The following EFR3A variants were observed in gnomAD, a reference collection of about 807,000 sequenced individuals.
EFR3A encodes EFR3 homolog A, also known as protein EFR3 homolog A.
Under a neutral mutation model 104.4 loss-of-function variants are expected in EFR3A, and 76 were observed. That is an observed-to-expected ratio of 0.73 (90% CI 0.60 to 0.88). The LOEUF (loss-of-function observed/expected upper bound fraction) is 0.88. Ranked by LOEUF, EFR3A falls within the 40% of genes least tolerant of loss-of-function variation. The pLI is 0.00. For synonymous variants in EFR3A, 330 were observed against 330.0 expected (o/e 1.00, Z 0.00); for missense variants, 985 against 1,012.5 (o/e 0.97, Z 0.37).
chr8:131,931,348 G>T lies in EFR3A; in HGVS notation c.11-9151G>T, dbSNP rs925640502. Among the ~76,000 whole-genome samples the T allele has an allele frequency of 2.0e-5, 3 of 152,124 alleles. No individual in the cohort carries two copies. The East Asian group carries it at 5.8e-4, about 29-fold the overall frequency. On this transcript the variant is annotated intron_variant, in intron 1 of 22. Coordinates refer to ENST00000254624, the MANE Select transcript of EFR3A (RefSeq NM_015137.6). ...TTATGAATGTTGATTTTGTTAGGGAGTTAGAAGTTGTGGTAATTGTTTCTT... is the reference window on the plus strand; with the variant it reads ...TTATGAATGTTGATTTTGTTAGGGATTTAGAAGTTGTGGTAATTGTTTCTT...
intron 1 of EFR3A, among the ~76,000 whole-genome samples, chr8:131,933,406 C>A (rs1388253608): frequency 6.6e-6 from 1 of 152,138 alleles, no homozygotes; most frequent in Non-Finnish European, 1.5e-5. Context: ...GTTTCTCTTT[C>A]ATCCGTTGGG....
At chr8:131,992,004 C>T (rs1417439895) in intron 18 of EFR3A, among the ~76,000 whole-genome samples, 3 of 152,150 alleles carry the variant, frequency 2.0e-5, no homozygotes, top group African/African-American at 4.8e-5. Flanking sequence ...CTCAGTGACC[C>T]CTTTCCTGCC....
intron 9 of EFR3A, 71 bp downstream of exon 9, chr8:131,968,501 G>GC: frequency 7.1e-7 from 1 of 1,415,898 alleles, no homozygotes; most frequent in Non-Finnish European, 9.6e-7. Context: ...ATGCATAGCA[G>GC]TGTATGAAGA....
Position 131,940,147 on chromosome 8 carries a change from G to A in EFR3A, c.11-352G>A, listed in dbSNP as rs764619812. 1.8e-4 allele frequency: 39 copies of A among 219,382 alleles called. No homozygotes were observed. In the Middle Eastern group the frequency reaches 5.5e-3, roughly 31 times the overall value. 13.6% of individuals were successfully genotyped at this position (219,382 alleles called of 1,614,324 possible). A position where few individuals can be genotyped will look rare whatever the true frequency, so the allele number is the denominator to read the frequency against. ...TAGAATTAGCAGGGAGACCACTGTG[G>A]CTTGAGTAGAGTGGATTGCAACAGG... On this transcript the variant is annotated intron_variant, in intron 1 of 22. Transcript: ENST00000254624.
intron 1 of EFR3A, among the ~76,000 whole-genome samples, chr8:131,908,117 G>C (rs1340263098): frequency 6.6e-6 from 1 of 151,756 alleles, no homozygotes; most frequent in Non-Finnish European, 1.5e-5. Flanking sequence ...CTGGAGTGCA[G>C]TGGTGAGATC....
At chr8:131,987,464 T>C (rs1820942789) in intron 17 of EFR3A, 111 bp from the exon 18 acceptor site, 1 of 1,206,418 alleles carries the variant, frequency 8.3e-7, no homozygotes, top group Non-Finnish European at 1.1e-6. Flanking sequence ...CAGTTTACAT[T>C]GTGTTTATAT....
Position 132,010,890 on chromosome 8 carries a change from TA to T in EFR3A, c.2462del (p.Tyr821SerfsTer13), listed in dbSNP as rs1383603200. On this transcript the variant is annotated frameshift_variant, in exon 23 of 23. Coordinates refer to ENST00000254624, the MANE Select transcript of EFR3A (RefSeq NM_015137.6). LOFTEE classifies it high-confidence loss of function. ...GATGAAGTTTCCAGATCTGTGTGTG[TA>T]CTGATCGGCGCATGAAGACCTCAGG... ...YEMKFPDLCVY is the reference protein window; with the variant it reads ...YEMKFPDLCVX 1 of 1,602,676 alleles carries T rather than the reference TA, an allele frequency of 6.2e-7. No homozygotes were observed. The highest frequency in any genetic ancestry group is 1.3e-5 in the African/African-American group (1 of 74,786).
intron 4 of EFR3A, among the ~76,000 whole-genome samples, chr8:131,948,936 A>G (rs1174353450): frequency 6.6e-6 from 1 of 152,004 alleles, no homozygotes; most frequent in Non-Finnish European, 1.5e-5. Flanking sequence ...GCTAATGCCA[A>G]CTCAATATGA....
At position 132,003,344 on chromosome 8, in the gene EFR3A, C is replaced by A. The variant is rs1821883224; in HGVS notation, c.2360+59C>A. ...ACACACACGAATAGAAACTGACAGA[C>A]CCCTATGAATTTGTGGTTCATTATG... is the stretch of plus-strand genomic sequence containing the variant. On this transcript the variant is annotated intron_variant, in intron 22 of 22. Transcript: ENST00000254624. The A allele has an allele frequency of 2.1e-6, 3 of 1,446,290 alleles. No individual in the cohort carries two copies. In the South Asian group the frequency reaches 3.8e-5, roughly 18 times the overall value. 89.6% of individuals were successfully genotyped at this position (1,446,290 alleles called of 1,614,324 possible).
chr8:131,962,649 A>G (rs142010364), intron 8 of EFR3A, among the ~76,000 whole-genome samples: 6,284 of 152,238 alleles, frequency 0.041, 314 homozygotes, highest in East Asian at 0.12. Context: ...AGACAGATCA[A>G]TGAGACAGAA....
chr8:131,992,604 C>A (rs1821248665), intron 18 of EFR3A, among the ~76,000 whole-genome samples: 1 of 152,026 alleles, frequency 6.6e-6, no homozygotes, highest in East Asian at 1.9e-4. Context: ...GAAAGAGGGA[C>A]AAGTAGAAAT....
At chr8:131,910,459 G>C (rs1043856780) in intron 1 of EFR3A, among the ~76,000 whole-genome samples, 13 of 152,176 alleles carry the variant, frequency 8.5e-5, no homozygotes, top group Admixed American at 5.2e-4. Context: ...TTTGAGTAGA[G>C]ATGGGGTTTC....
In EFR3A at chr8:131,940,508, GC is replaced by G; in HGVS notation, c.21del (p.Cys8AlafsTer26). 3.8e-6 allele frequency: 6 copies of G among 1,598,028 alleles called. No homozygotes were observed. Among genetic ancestry groups the G allele is most frequent in the Non-Finnish European group, 5.1e-6 (6 of 1,173,740 alleles). MPTRVC[C>X]CCSALRPRYK... ...TTTTTTTTTTTAACAGGAGTATGCT[GC>G]TGCTGTTCCGCTTTGCGTCCTCGCT... On this transcript the variant is annotated frameshift_variant, in exon 2 of 23. Coordinates refer to ENST00000254624, the MANE Select transcript of EFR3A (RefSeq NM_015137.6). LOFTEE classifies it high-confidence loss of function.
Position 131,943,284 on chromosome 8 carries a change from C to T in EFR3A, c.88-1461C>T, listed in dbSNP as rs150188848. On this transcript the variant is annotated intron_variant, in intron 2 of 22. Transcript: ENST00000254624. Reference sequence around the variant, plus strand: ...TATCTTATTTTTAGCAGTGTCTTCACAGATGTATACAACTGTCACATTTCC... The same window carrying T: ...TATCTTATTTTTAGCAGTGTCTTCATAGATGTATACAACTGTCACATTTCC... Among the ~76,000 whole-genome samples the T allele has an allele frequency of 4.1e-4, 63 of 152,176 alleles. No individual in the cohort carries two copies. The East Asian group carries it at 0.011, about 28-fold the overall frequency.
intron 12 of EFR3A, 126 bp downstream of exon 12, chr8:131,977,218 T>C (rs1344239703): frequency 1.7e-6 from 1 of 596,722 alleles, no homozygotes; most frequent in Non-Finnish European, 2.7e-6. Context: ...TATTTTATTA[T>C]GTTCTTCATT....
rs530194081 is a variant in EFR3A at position 131,915,294 on chromosome 8, G to T, written c.10+10972G>T. On this transcript the variant is annotated intron_variant, in intron 1 of 22. Transcript: ENST00000254624. Reference sequence around the variant, plus strand: ...AAATAAAAACTGTTTAGTTGATAGTGCCTCACCTGTTTTGCTCTCATGATC... The same window carrying T: ...AAATAAAAACTGTTTAGTTGATAGTTCCTCACCTGTTTTGCTCTCATGATC... 1.8e-3 allele frequency among the ~76,000 whole-genome samples: 279 copies of T among 152,220 alleles called. 2 individuals carry two copies. Among genetic ancestry groups the T allele is most frequent in the African/African-American group, 6.5e-3 (271 of 41,528 alleles).
At position 131,984,060 on chromosome 8, in the gene EFR3A, G is replaced by A. The variant is rs539253707; in HGVS notation, c.1576-79G>A. The A allele has an allele frequency of 1.4e-5, 18 of 1,304,800 alleles. No individual in the cohort carries two copies. In the East Asian group the frequency reaches 2.7e-4, roughly 20 times the overall value. The allele number at this position is 1,304,800 out of a possible 1,614,324, so 80.8% of individuals were successfully genotyped here. On this transcript the variant is annotated intron_variant, in intron 14 of 22. Transcript: ENST00000254624. ...AGCTATATAATAACATAGCTACACT[G>A]TAAAAGTATATGCATGTGAAATCTG...
At chr8:131,969,396 T>A (rs1819927252) in intron 9 of EFR3A, among the ~76,000 whole-genome samples, 1 of 152,124 alleles carries the variant, frequency 6.6e-6, no homozygotes, top group South Asian at 2.1e-4. Context: ...AATGGCGTAG[T>A]TTTTGCATAT....
At chr8:131,959,548 A>C in intron 7 of EFR3A, 37 bp from the exon 8 acceptor site, 1 of 1,560,202 alleles carries the variant, frequency 6.4e-7, no homozygotes, top group Non-Finnish European at 8.8e-7. Flanking sequence ...AAGTATAGTA[A>C]AATAGAGAAT....
Sources: gnomAD v4.1 joint callset for allele counts (sites outside exome capture counted in the v4.1 genomes callset) on GRCh38, gnomAD v4.1.1 for gene constraint, MANE v1.5 for transcripts, NCBI Gene and HGNC (gene_info 2026-07-23, HGNC 2026-07-21) for gene names.